CIB4: variants seen among roughly 807,000 people sequenced by gnomAD.
CIB4 encodes the protein calcium and integrin binding family member 4, also known as calcium and integrin-binding family member 4.
Under a neutral mutation model 25.8 loss-of-function variants are expected in CIB4, and 25 were observed. That is an observed-to-expected ratio of 0.97 (90% CI 0.71 to 1.35). The LOEUF (loss-of-function observed/expected upper bound fraction) is 1.35. Among genes scored for constraint, CIB4 ranks in the 40% most tolerant of loss-of-function variants. The pLI is 0.00. For synonymous variants in CIB4, 75 were observed against 81.4 expected, an observed-to-expected ratio of 0.92 and a Z score of 0.42; for missense variants, 235 against 228.2, an observed-to-expected ratio of 1.03 and a Z score of -0.19.
intron 3 of CIB4, among the ~76,000 whole-genome samples, chr2:26,628,791 A>G (rs1431168461): frequency 1.3e-5 from 2 of 152,286 alleles, no homozygotes; most frequent in African/African-American, 4.8e-5. Context: ...GAAAAGCCCC[A>G]GTCCATTGAG....
At chr2:26,602,133 C>T (rs1305897751) in intron 3 of CIB4, among the ~76,000 whole-genome samples, 1 of 152,066 alleles carries the variant, frequency 6.6e-6, no homozygotes, top group African/African-American at 2.4e-5. Context: ...AAATCAAAGA[C>T]AATATGGGAT....
intron 2 of CIB4, among the ~76,000 whole-genome samples, chr2:26,640,076 C>A (rs1669606732): frequency 7.1e-6 from 1 of 140,474 alleles, no homozygotes. Context: ...ACGAGGCCAG[C>A]ACATCACAGG....
At chr2:26,616,805 G>A (rs1050313396) in intron 3 of CIB4, among the ~76,000 whole-genome samples, 2 of 152,188 alleles carry the variant, frequency 1.3e-5, no homozygotes, top group Admixed American at 6.5e-5. Context: ...GCACACACAC[G>A]TGTCACCTGC....
intron 6 of CIB4, among the ~76,000 whole-genome samples, chr2:26,582,619 C>T (rs1162059147): frequency 6.6e-6 from 1 of 152,174 alleles, no homozygotes; most frequent in Non-Finnish European, 1.5e-5. Flanking sequence ...GGGATCCAGT[C>T]CTCTCCTCTG....
At chr2:26,581,452 C>T (rs749870375) in intron 6 of CIB4, 59 bp from the exon 7 acceptor site, 249 of 1,548,682 alleles carry the variant, frequency 1.6e-4, no homozygotes, top group Non-Finnish European at 2.1e-4. Flanking sequence ...CCCTCTGACT[C>T]CTGGGTTCAC....
chr2:26,583,878 T>C lies in CIB4; in HGVS notation c.349A>G (p.Ile117Val). 6.2e-7 allele frequency: 1 copy of C among 1,612,252 alleles called. No homozygotes were observed. The highest frequency in any genetic ancestry group is 8.5e-7 in the Non-Finnish European group (1 of 1,178,480). ...RIYDFNENGF[I>V]DEEDLQRIIL... ...ATCCTCTGCAGATCCTCCTCATCAA[T>C]GAAGCCATTCTCATTAAAATCTGCA... The change falls in exon 5 of 7, where the codon ATT becomes GTT. Residue 117 changes from isoleucine to valine, a missense_variant. Ile to Val is a conservative substitution (Grantham distance 29). Transcript: ENST00000288861.
intron 3 of CIB4, among the ~76,000 whole-genome samples, chr2:26,610,979 G>A (rs1668986578): frequency 6.6e-6 from 1 of 152,226 alleles, no homozygotes. Flanking sequence ...ATACTCCCGG[G>A]CTAGCAAACA....
intron 3 of CIB4, among the ~76,000 whole-genome samples, chr2:26,622,057 T>C (rs2464091): frequency 6.6e-6 from 1 of 151,978 alleles, no homozygotes; most frequent in Non-Finnish European, 1.5e-5. Flanking sequence ...GTGTATGCAG[T>C]CATAATAATA....
chr2:26,641,263 G>A lies in CIB4; in HGVS notation c.52C>T (p.Gln18Ter). 1 of 1,612,554 alleles carries A rather than the reference G, an allele frequency of 6.2e-7. No homozygotes were observed. Among genetic ancestry groups the A allele is most frequent in the Non-Finnish European group, 8.5e-7 (1 of 1,178,784 alleles). Residue 18 changes from glutamine to a stop codon, truncating the protein, a stop_gained and splice_region_variant, in exon 1 of 7, where the codon CAG (glutamine) becomes TAG (stop). Transcript: ENST00000288861. LOFTEE classifies it high-confidence loss of function. Reference protein sequence around the residue: ...QMHWEDLEEYQALTFLTRNEI... With the variant: ...QMHWEDLEEY ...AGTCCCTAGCCCGATCTACCCACCTGGTACTCTTCCAGGTCCTCCCAGTGC... is the reference window on the plus strand; with the variant it reads ...AGTCCCTAGCCCGATCTACCCACCTAGTACTCTTCCAGGTCCTCCCAGTGC...
chr2:26,584,533 C>G (rs1035053715), intron 4 of CIB4, among the ~76,000 whole-genome samples: 7 of 152,204 alleles, frequency 4.6e-5, no homozygotes, highest in Non-Finnish European at 8.8e-5. Flanking sequence ...CCATACTGAC[C>G]CTGGCTATGC....
intron 2 of CIB4, among the ~76,000 whole-genome samples, chr2:26,635,558 T>A (rs1159350281): frequency 6.6e-6 from 1 of 152,106 alleles, no homozygotes; most frequent in Non-Finnish European, 1.5e-5. Flanking sequence ...CAGTGGAAAA[T>A]CATTCAAAAG....
At chr2:26,628,292 T>C (rs1303105911) in intron 3 of CIB4, among the ~76,000 whole-genome samples, 1 of 152,046 alleles carries the variant, frequency 6.6e-6, no homozygotes, top group Non-Finnish European at 1.5e-5. Context: ...CCCTAAAGGA[T>C]TGGGAGGTGG....
intron 3 of CIB4, among the ~76,000 whole-genome samples, chr2:26,608,887 CTT>C (rs546929979): frequency 1.1e-3 from 174 of 152,338 alleles, no homozygotes; most frequent in Admixed American, 1.9e-3. Flanking sequence ...CTCTCCCTCT[CTT>C]GCTCTCTCGT....
intron 3 of CIB4, among the ~76,000 whole-genome samples, chr2:26,625,572 G>A (rs531896038): frequency 5.3e-5 from 8 of 152,130 alleles, no homozygotes; most frequent in Non-Finnish European, 8.8e-5. Context: ...GGCTGGTCTC[G>A]AACTCCCAAC....
chr2:26,582,815 A>G lies in CIB4; in HGVS notation c.527+10T>C. The G allele has an allele frequency of 6.3e-7, 1 of 1,587,676 alleles. No homozygotes were observed. The highest frequency in any genetic ancestry group is 8.6e-7 in the Non-Finnish European group (1 of 1,156,168). ...TCCTGGACAGTCTCACCCCCTCCAG[A>G]ATGCCTTACTTCATGAAATCTGGAG... On this transcript the variant is annotated intron_variant, in intron 6 of 6. Coordinates refer to ENST00000288861, the MANE Select transcript of CIB4 (RefSeq NM_001029881.3).
intron 3 of CIB4, among the ~76,000 whole-genome samples, chr2:26,598,815 G>C (rs370679717): frequency 1.3e-5 from 2 of 152,230 alleles, no homozygotes; most frequent in South Asian, 2.1e-4. Context: ...ATAGTGCTGC[G>C]GGAGAGTTTC....
intron 3 of CIB4, among the ~76,000 whole-genome samples, chr2:26,629,027 A>G (rs529029079): frequency 6.6e-6 from 1 of 152,304 alleles, no homozygotes; most frequent in East Asian, 1.9e-4. Flanking sequence ...GCTGAAGCCC[A>G]TCTAAAGACC....
At chr2:26,622,828 C>A (rs1387281834) in intron 3 of CIB4, among the ~76,000 whole-genome samples, 2 of 152,028 alleles carry the variant, frequency 1.3e-5, no homozygotes, top group East Asian at 3.9e-4. Flanking sequence ...ACTAAAAATA[C>A]AAAAATTAGC....
chr2:26,592,546 A>C (rs554559928), intron 4 of CIB4, among the ~76,000 whole-genome samples: 2 of 152,084 alleles, frequency 1.3e-5, no homozygotes, highest in Non-Finnish European at 2.9e-5. Flanking sequence ...TCTTTTCTGC[A>C]CCGGTCACTC....
Sources: gnomAD v4.1 joint callset for allele counts (sites outside exome capture counted in the v4.1 genomes callset) on GRCh38, gnomAD v4.1.1 for gene constraint, MANE v1.5 for transcripts, NCBI Gene and HGNC (gene_info 2026-07-23, HGNC 2026-07-21) for gene names.